The following YWHAE variants were observed in gnomAD, a reference collection of about 807,000 sequenced individuals.
YWHAE encodes tyrosine 3-monooxygenase/tryptophan 5-monooxygenase activation protein epsilon.
YWHAE carries 4 observed loss-of-function variants against 30.1 expected under a neutral mutation model. The ratio of observed to expected loss-of-function variants is 0.13; its 90% CI spans 0.07 to 0.30. The LOEUF (loss-of-function observed/expected upper bound fraction) is 0.30, where lower values mean the gene tolerates loss of function less well. Ranked by LOEUF, YWHAE falls within the 10% of genes least tolerant of loss-of-function variation. The pLI is 1.00. For synonymous variants in YWHAE, 118 were observed against 111.8 expected, an observed-to-expected ratio of 1.06 and a Z score of -0.35; for missense variants, 121 against 315.9, an observed-to-expected ratio of 0.38 and a Z score of 4.68.
intron 4 of YWHAE, among the ~76,000 whole-genome samples, chr17:1,360,738 C>T (rs2072851235): frequency 6.6e-6 from 1 of 152,018 alleles, no homozygotes; most frequent in African/African-American, 2.4e-5. Context: ...TGCACTCTAG[C>T]CTGGGAGACA....
rs146514458 is a variant in YWHAE at position 1,364,303 on chromosome 17, C to T, written c.264+556G>A. On this transcript the variant is annotated intron_variant, in intron 2 of 5. Coordinates refer to ENST00000264335, the MANE Select transcript of YWHAE (RefSeq NM_006761.5). Reference sequence around the variant, plus strand: ...GTGCAGCAGTGCGATCTCGGCTCACCGCAAGCTCCGCCTCCCGGATTCACA... The same window carrying T: ...GTGCAGCAGTGCGATCTCGGCTCACTGCAAGCTCCGCCTCCCGGATTCACA... 5.5e-3 allele frequency among the ~76,000 whole-genome samples: 832 copies of T among 151,830 alleles called. 6 individuals are homozygous for T. The highest frequency in any genetic ancestry group is 1.0e-2 in the Non-Finnish European group (678 of 67,894).
intron 2 of YWHAE, among the ~76,000 whole-genome samples, chr17:1,363,674 T>A (rs1156236009): frequency 6.6e-6 from 1 of 152,180 alleles, no homozygotes; most frequent in Non-Finnish European, 1.5e-5. Context: ...TTTTAAAGAT[T>A]TCATGTACTA....
intron 5 of YWHAE, among the ~76,000 whole-genome samples, chr17:1,350,295 C>T (rs2072606378): frequency 6.6e-6 from 1 of 152,012 alleles, no homozygotes; most frequent in Non-Finnish European, 1.5e-5. Flanking sequence ...AAACTGTACT[C>T]GACAACCAAG....
At chr17:1,354,415 G>A in intron 4 of YWHAE, 68 bp from the exon 5 acceptor site, 1 of 1,475,172 alleles carries the variant, frequency 6.8e-7, no homozygotes, top group Non-Finnish European at 9.3e-7. Context: ...TGACATGCTA[G>A]ACAGCAATCT....
intron 5 of YWHAE, 60 bp downstream of exon 5, chr17:1,354,149 AAG>A: frequency 6.3e-7 from 1 of 1,582,946 alleles, no homozygotes. Flanking sequence ...GGAATGTCTA[AAG>A]AGAGTACAAA....
chr17:1,388,095 ATTTTTGTTTTTTTTTTTGGTTGGT>A lies in YWHAE; in HGVS notation c.64+11928_64+11951del, dbSNP rs1355194980. Reference sequence around the variant, plus strand: ...CACGTGCCACCACCACGCCTGGGTAATTTTTGTTTTTTTTTTTGGTTGGTTTTTTTTTTTTTTTTTTTTTTTTAG... The same window carrying A: ...CACGTGCCACCACCACGCCTGGGTAATTTTTTTTTTTTTTTTTTTTTTTAG... On this transcript the variant is annotated intron_variant, in intron 1 of 5. Transcript: ENST00000264335. Among the ~76,000 whole-genome samples the A allele has an allele frequency of 1.4e-4, 10 of 72,780 alleles. 1 individual carries two copies. Among genetic ancestry groups the A allele is most frequent in the African/African-American group, 5.9e-4 (9 of 15,200 alleles). 47.7% of individuals were successfully genotyped at this position (72,780 alleles called of 152,430 possible). A position where few individuals can be genotyped will look rare whatever the true frequency, so the allele number is the denominator to read the frequency against.
At chr17:1,394,436 C>CAAAAAAAAAAAAAAAAAAAA (rs544115909) in intron 1 of YWHAE, among the ~76,000 whole-genome samples, 10 of 58,544 alleles carry the variant, frequency 1.7e-4, no homozygotes, top group African/African-American at 8.8e-4. Context: ...CTCAAATCCA[C>CAAAAAAAAAAAAAAAAAAAA]AAAAAAAAAA....
chr17:1,381,842 G>A (rs1198864471), intron 1 of YWHAE, among the ~76,000 whole-genome samples: 1 of 149,008 alleles, frequency 6.7e-6, no homozygotes, highest in East Asian at 2.0e-4. Flanking sequence ...GAACGTGAGA[G>A]GTCAAGGCTG....
intron 5 of YWHAE, among the ~76,000 whole-genome samples, chr17:1,352,556 C>G: frequency 6.6e-6 from 1 of 150,924 alleles, no homozygotes; most frequent in Admixed American, 6.6e-5. Flanking sequence ...ATGGAGTCTT[C>G]CTCTGTAGCC....
At chr17:1,374,872 G>C (rs1598255959) in intron 1 of YWHAE, among the ~76,000 whole-genome samples, 1 of 152,126 alleles carries the variant, frequency 6.6e-6, no homozygotes, top group East Asian at 1.9e-4. Flanking sequence ...TAAGGTAGCA[G>C]ATTAAGGAAC....
At chr17:1,374,387 A>G (rs1353351576) in intron 1 of YWHAE, among the ~76,000 whole-genome samples, 4 of 152,166 alleles carry the variant, frequency 2.6e-5, no homozygotes, top group African/African-American at 9.7e-5. Context: ...GGACTATTAT[A>G]AACAATGCTG....
chr17:1,370,810 C>A (rs1382055301), intron 1 of YWHAE, among the ~76,000 whole-genome samples: 1 of 151,772 alleles, frequency 6.6e-6, no homozygotes, highest in Non-Finnish European at 1.5e-5. Flanking sequence ...TCCTGGCTAA[C>A]AAGGTGAAAA....
intron 1 of YWHAE, among the ~76,000 whole-genome samples, chr17:1,395,894 G>A (rs917708071): frequency 1.3e-5 from 2 of 152,060 alleles, no homozygotes; most frequent in Non-Finnish European, 2.9e-5. Flanking sequence ...CGAGGCGGGC[G>A]GATCACCTGA....
At chr17:1,358,071 A>T (rs974224006) in intron 4 of YWHAE, among the ~76,000 whole-genome samples, 1 of 151,856 alleles carries the variant, frequency 6.6e-6, no homozygotes, top group Non-Finnish European at 1.5e-5. Context: ...AACACTTAAC[A>T]AACGAAAAAA....
intron 4 of YWHAE, among the ~76,000 whole-genome samples, chr17:1,359,343 A>T (rs889224437): frequency 6.6e-6 from 1 of 151,808 alleles, no homozygotes; most frequent in Non-Finnish European, 1.5e-5. Flanking sequence ...TTCAGTCCCA[A>T]TTCCACCTCA....
intron 5 of YWHAE, among the ~76,000 whole-genome samples, chr17:1,351,367 A>G (rs2150838735): frequency 6.6e-6 from 1 of 151,708 alleles, no homozygotes; most frequent in Admixed American, 6.6e-5. Flanking sequence ...AACAAGAGCA[A>G]AACTCCATCT....
intron 1 of YWHAE, among the ~76,000 whole-genome samples, chr17:1,392,211 A>G (rs1211632203): frequency 6.6e-6 from 1 of 152,062 alleles, no homozygotes; most frequent in Admixed American, 6.6e-5. Flanking sequence ...AAAAAGAAAA[A>G]AAAGTTCTTT....
intron 1 of YWHAE, among the ~76,000 whole-genome samples, chr17:1,381,900 G>A (rs1194621018): frequency 1.8e-5 from 2 of 109,262 alleles, no homozygotes; most frequent in African/African-American, 3.8e-5. Flanking sequence ...ACGAGAGAGC[G>A]ACACTATGTC....
At chr17:1,399,143 G>C (rs1385072326) in intron 1 of YWHAE, 1 of 152,184 alleles carries the variant, frequency 6.6e-6, no homozygotes, top group Non-Finnish European at 1.5e-5. Context: ...CGGGGGGACG[G>C]AGGCTCGGGC....
Sources: allele counts gnomAD v4.1 joint callset (sites outside exome capture counted in the v4.1 genomes callset), GRCh38; gene constraint gnomAD v4.1.1; transcripts MANE v1.5; gene names NCBI Gene and HGNC (gene_info 2026-07-23, HGNC 2026-07-21).